The following TEAD3 variants were observed in gnomAD, a reference collection of about 807,000 sequenced individuals.
TEAD3 encodes TEA domain transcription factor 3.
A neutral mutation model predicts 55.6 loss-of-function variants in TEAD3; 15 were observed. The observed-to-expected ratio is 0.27, with a 90% CI of 0.18 to 0.42. TEAD3 has a LOEUF of 0.42. Ranked by LOEUF, TEAD3 falls within the 10% of genes least tolerant of loss-of-function variation. The pLI, the probability that TEAD3 is intolerant of heterozygous loss-of-function variation, is 1.00. For synonymous variants in TEAD3, 210 were observed against 232.2 expected (o/e 0.90, Z 0.87); for missense variants, 407 against 576.8 (o/e 0.71, Z 3.01).
chr6:35,479,260 A>G, intron 5 of TEAD3, 45 bp downstream of exon 5: 1 of 1,609,094 alleles, frequency 6.2e-7, no homozygotes, highest in Non-Finnish European at 8.5e-7. Flanking sequence ...ATTAGGTGTT[A>G]AGACCCTTTC....
chr6:35,475,782 C>T lies in TEAD3; in HGVS notation c.901-76G>A. 1 of 1,517,736 alleles carries T rather than the reference C, an allele frequency of 6.6e-7. No homozygotes were observed. Among genetic ancestry groups the T allele is most frequent in the Non-Finnish European group, 8.8e-7 (1 of 1,133,850 alleles). 94.0% of individuals were successfully genotyped at this position (1,517,736 alleles called of 1,614,324 possible). On this transcript the variant is annotated intron_variant, in intron 10 of 12. Coordinates refer to ENST00000639578, the Ensembl canonical transcript of TEAD3. This position sits in a 1 kb window ranked among gnomAD's most constrained non-coding sequence, Gnocchi z 5.4. The stretch of plus-strand genomic sequence containing the variant: ...CCCGCCACACCACATCAGAGTCCTG[C>T]CCAAGGATCCATCTCTGGCACTCTG...
chr6:35,479,690 G>A (rs77383115), intron 4 of TEAD3, among the ~76,000 whole-genome samples: 3,464 of 152,296 alleles, frequency 0.023, 54 homozygotes, highest in Middle Eastern at 0.071. Flanking sequence ...CAGACTCTGA[G>A]ATCCGCAGCT....
At position 35,476,289 on chromosome 6, in the gene TEAD3, C is replaced by G. The variant is rs1459860096; in HGVS notation, c.726+13G>C. 16 of 1,610,782 alleles carry G rather than the reference C, an allele frequency of 9.9e-6. No homozygotes were observed. The highest frequency in any genetic ancestry group is 1.3e-5 in the Non-Finnish European group (15 of 1,179,338). The stretch of plus-strand genomic sequence containing the variant: ...ATTGTGCAAAGCCTCACCCTCACCC[C>G]CAAACACGTTACCGTGTCAGGGTCT... On this transcript the variant is annotated intron_variant, in intron 9 of 12. Coordinates refer to ENST00000639578, the Ensembl canonical transcript of TEAD3.
rs555596805 is a variant in TEAD3 at position 35,487,148 on chromosome 6, G to A, written c.-49-437C>T. On this transcript the variant is annotated intron_variant, in intron 1 of 12. Transcript: ENST00000639578. ...AAACCTCACAAAACTAGGCCGGCGC[G>A]ATGGCTCATGCCTGTAATCCCAGCA... Among the ~76,000 whole-genome samples the A allele has an allele frequency of 2.0e-4, 31 of 152,308 alleles. 1 individual carries two copies. Among genetic ancestry groups the A allele is most frequent in the Middle Eastern group, 3.4e-3 (1 of 294 alleles).
chr6:35,486,670 GT>G lies in TEAD3; in HGVS notation c.-9del. 6.2e-7 allele frequency: 1 copy of G among 1,611,122 alleles called. No individual in the cohort carries two copies. Among genetic ancestry groups the G allele is most frequent in the Non-Finnish European group, 8.5e-7 (1 of 1,179,242 alleles). On this transcript the variant is annotated 5_prime_UTR_variant, in exon 2 of 13. Coordinates refer to ENST00000639578, the Ensembl canonical transcript of TEAD3. This position sits in a 1 kb window ranked among gnomAD's most constrained non-coding sequence, Gnocchi z 7.3. ...CCAGCTGTTGGACGCTATTGTGCTG[GT>G]TGCTCTGGGCTCTGGGCCTGAGCCC...
chr6:35,477,467 C>T, intron 7 of TEAD3, 95 bp from the exon 8 acceptor site: 1 of 1,227,340 alleles, frequency 8.1e-7, no homozygotes, highest in Non-Finnish European at 1.1e-6. Flanking sequence ...GCAAGCCACC[C>T]AGCCTTTCTG....
In TEAD3 at chr6:35,483,773, C is replaced by T. The variant is rs1014881358; in HGVS notation, c.267+787G>A. On this transcript the variant is annotated intron_variant, in intron 3 of 12. Transcript: ENST00000639578. The surrounding 1 kb of genome is among the most constrained non-coding windows in gnomAD (Gnocchi z 4.5). ...TGAGTGTCCCCTACCCCAGCAGTCC[C>T]CACCCTCCCTCCACCACATCAGGCT... 6.6e-6 allele frequency among the ~76,000 whole-genome samples: 1 copy of T among 152,162 alleles called. No homozygotes were observed. The highest frequency in any genetic ancestry group is 1.5e-5 in the Non-Finnish European group (1 of 68,026).
rs774255073 is a variant in TEAD3 at position 35,479,287 on chromosome 6, G to T, written c.342+18C>A. The T allele has an allele frequency of 1.9e-6, 3 of 1,613,700 alleles. No individual in the cohort carries two copies. The African/African-American group carries it at 4.0e-5, about 22-fold the overall frequency. ...GACCCTTTCCCCCACTCCCACTGGGGAGGGCTGTGCTACTTACCAGGTTCA... is the reference window on the plus strand; with the variant it reads ...GACCCTTTCCCCCACTCCCACTGGGTAGGGCTGTGCTACTTACCAGGTTCA... On this transcript the variant is annotated intron_variant, in intron 5 of 12. Coordinates refer to ENST00000639578, the Ensembl canonical transcript of TEAD3.
chr6:35,475,331 C>T lies in TEAD3; in HGVS notation c.1194+5G>A. 2 of 1,612,936 alleles carry T rather than the reference C, an allele frequency of 1.2e-6. No individual in the cohort carries two copies. Among genetic ancestry groups the T allele is most frequent in the South Asian group, 1.1e-5 (1 of 90,980 alleles). On this transcript the variant is annotated splice_donor_5th_base_variant and intron_variant, in intron 12 of 12. Coordinates refer to ENST00000639578, the Ensembl canonical transcript of TEAD3. The surrounding 1 kb of genome is among the most constrained non-coding windows in gnomAD (Gnocchi z 5.4). ...GACTCCCCACGACCCCTGCTGCCCCCATACCTGCAGGATGGTGAAGTTCTC... is the reference window on the plus strand; with the variant it reads ...GACTCCCCACGACCCCTGCTGCCCCTATACCTGCAGGATGGTGAAGTTCTC...
chr6:35,489,301 A>G lies in TEAD3; in HGVS notation c.-49-2590T>C, dbSNP rs369809572. Among the ~76,000 whole-genome samples the G allele has an allele frequency of 1.4e-3, 218 of 152,280 alleles. 2 individuals are homozygous for G. Among genetic ancestry groups the G allele is most frequent in the Middle Eastern group, 0.014 (4 of 294 alleles). On this transcript the variant is annotated intron_variant, in intron 1 of 12. Coordinates refer to ENST00000639578, the Ensembl canonical transcript of TEAD3. Reference sequence around the variant, plus strand: ...ACCCAAGAAACAGAGAAGTTAAGCAACTTGCCTTAGGGCACACAACAAGTA... The same window carrying G: ...ACCCAAGAAACAGAGAAGTTAAGCAGCTTGCCTTAGGGCACACAACAAGTA...
At chr6:35,494,499 C>CACACAGG (rs1240639280) in intron 1 of TEAD3, among the ~76,000 whole-genome samples, 6 of 152,180 alleles carry the variant, frequency 3.9e-5, no homozygotes, top group Non-Finnish European at 5.9e-5. Flanking sequence ...GGGACAGTGC[C>CACACAGG]GAGTGTGACC....
downstream of TEAD3, chr6:35,474,759 CCT>C (rs1018070372): frequency 1.0e-5 from 4 of 383,754 alleles, no homozygotes; most frequent in African/African-American, 6.4e-5. Flanking sequence ...CCTATCCCCA[CCT>C]CTCTGAGGTC....
Position 35,475,175 on chromosome 6 carries a change from AAG to A in TEAD3, c.1195-20_1195-19del. 6.4e-7 allele frequency: 1 copy of A among 1,570,920 alleles called. No individual in the cohort carries two copies. Among genetic ancestry groups the A allele is most frequent in the Non-Finnish European group, 8.6e-7 (1 of 1,157,548 alleles). ...GTGACCACCTGGGGGGTGAGCAGGT[AAG>A]AGATTCAGGAGGTCAGGGAGAAAAG... On this transcript the variant is annotated intron_variant, in intron 12 of 12. Transcript: ENST00000639578. This position sits in a 1 kb window ranked among gnomAD's most constrained non-coding sequence, Gnocchi z 5.4.
In TEAD3 at chr6:35,484,734, C is replaced by A; in HGVS notation, c.203-110G>T. 1 of 927,702 alleles carries A rather than the reference C, an allele frequency of 1.1e-6. No individual in the cohort carries two copies. Among genetic ancestry groups the A allele is most frequent in the Non-Finnish European group, 1.7e-6 (1 of 589,538 alleles). The allele number at this position is 927,702 out of a possible 1,614,324, so 57.5% of individuals were successfully genotyped here. On this transcript the variant is annotated intron_variant, in intron 2 of 12. Transcript: ENST00000639578. The surrounding 1 kb of genome is among the most constrained non-coding windows in gnomAD (Gnocchi z 5.8). ...CCAGGACCCTCCCCAAAACACTGCT[C>A]TTCTGTTCCTCACTCTCTTCACCCC... is the stretch of plus-strand genomic sequence containing the variant.
intron 1 of TEAD3, among the ~76,000 whole-genome samples, chr6:35,493,248 TACA>T (rs1768568720): frequency 6.6e-6 from 1 of 152,214 alleles, no homozygotes; most frequent in East Asian, 1.9e-4. Flanking sequence ...TTTCTAAGTG[TACA>T]ATTGAGAGGC....
In TEAD3 at chr6:35,488,347, T is replaced by C. The variant is rs1486516403; in HGVS notation, c.-49-1636A>G. On this transcript the variant is annotated intron_variant, in intron 1 of 12. Coordinates refer to ENST00000639578, the Ensembl canonical transcript of TEAD3. This position sits in a 1 kb window ranked among gnomAD's most constrained non-coding sequence, Gnocchi z 4.2. ...GCCCTGAACCTGCCAGGCTATTAAT[T>C]TGGACCACACCCCACCAGGCCCCCT... Among the ~76,000 whole-genome samples the C allele has an allele frequency of 6.6e-6, 1 of 151,940 alleles. No homozygotes were observed.
In TEAD3 at chr6:35,486,790, T is replaced by C; in HGVS notation, c.-49-79A>G. ...TCTCCTATCCCACAGCCGCTGGCTC[T>C]GGAGCTCCGCCCCCAGCCCCAAGCC... On this transcript the variant is annotated intron_variant, in intron 1 of 12. Transcript: ENST00000639578. This position sits in a 1 kb window ranked among gnomAD's most constrained non-coding sequence, Gnocchi z 7.3. 2 of 1,052,664 alleles carry C rather than the reference T, an allele frequency of 1.9e-6. No homozygotes were observed. Among genetic ancestry groups the C allele is most frequent in the South Asian group, 3.2e-5 (2 of 62,334 alleles). 65.2% of individuals were successfully genotyped at this position (1,052,664 alleles called of 1,614,324 possible). A position where few individuals can be genotyped will look rare whatever the true frequency, so the allele number is the denominator to read the frequency against.
chr6:35,480,494 A>G, intron 3 of TEAD3, 120 bp from the exon 4 acceptor site: 1 of 992,212 alleles, frequency 1.0e-6, no homozygotes, highest in Non-Finnish European at 1.5e-6. Context: ...CTACATGTAA[A>G]TGGGGGGACC....
rs41270074 is a variant in TEAD3 at position 35,484,681 on chromosome 6, G to C, written c.203-57C>G. 4.7e-4 allele frequency: 708 copies of C among 1,502,286 alleles called. 6 individuals are homozygous for C. In the East Asian group the frequency reaches 7.1e-3, roughly 15 times the overall value. The allele number at this position is 1,502,286 out of a possible 1,614,324, so 93.1% of individuals were successfully genotyped here. ...GGGCAAAGGGTGGAGCCAGAGGCTGGAGGCCCCCACCCCACCGGGAAGCCA... is the reference window on the plus strand; with the variant it reads ...GGGCAAAGGGTGGAGCCAGAGGCTGCAGGCCCCCACCCCACCGGGAAGCCA... On this transcript the variant is annotated intron_variant, in intron 2 of 12. Transcript: ENST00000639578. This position sits in a 1 kb window ranked among gnomAD's most constrained non-coding sequence, Gnocchi z 5.8.
Sources: gnomAD v4.1 joint callset for allele counts (sites outside exome capture counted in the v4.1 genomes callset) on GRCh38, gnomAD v4.1.1 for gene constraint, Gnocchi (gnomAD v3.1) non-coding constraint, MANE v1.5 for transcripts, NCBI Gene and HGNC (gene_info 2026-07-23, HGNC 2026-07-21) for gene names.